Variants in CPVL observed in about 807,000 individuals in gnomAD.
CPVL encodes the protein carboxypeptidase vitellogenic like.
Under a neutral mutation model 63.7 loss-of-function variants are expected in CPVL, and 51 were observed. The ratio of observed to expected loss-of-function variants is 0.80; its 90% CI spans 0.64 to 1.01. CPVL has a LOEUF of 1.01. Ranked by LOEUF, CPVL falls within the 50% of genes least tolerant of loss-of-function variation. CPVL has a pLI of 0.00. For missense variants in CPVL, 530 were observed against 573.1 expected (o/e 0.92, Z 0.77); for synonymous variants, 195 against 206.0 (o/e 0.95, Z 0.46).
intron 1 of CPVL, among the ~76,000 whole-genome samples, chr7:29,138,602 C>A (rs1482661360): frequency 6.6e-6 from 1 of 151,892 alleles, no homozygotes; most frequent in Admixed American, 6.6e-5. Context: ...AGAGAGAGAC[C>A]CAGATCCCTG....
chr7:29,052,008 A>T (rs895189070), intron 11 of CPVL, among the ~76,000 whole-genome samples: 1 of 151,744 alleles, frequency 6.6e-6, no homozygotes, highest in Admixed American at 6.6e-5. Context: ...ATTTGCAGTG[A>T]CCTGGATGAG....
chr7:29,152,253 G>A (rs377407791), intron 5 of CPVL, among the ~76,000 whole-genome samples: 23 of 152,294 alleles, frequency 1.5e-4, no homozygotes, highest in East Asian at 5.8e-4. Context: ...CTTTTTATGC[G>A]TGGCAGCTCA....
chr7:29,099,972 T>A (rs1786924825), intron 3 of CPVL, among the ~76,000 whole-genome samples: 1 of 152,176 alleles, frequency 6.6e-6, no homozygotes, highest in African/African-American at 2.4e-5. Flanking sequence ...ATGTGCTGAA[T>A]AAAAATAACC....
chr7:29,013,969 A>G (rs369751838), intron 12 of CPVL, among the ~76,000 whole-genome samples: 13 of 152,210 alleles, frequency 8.5e-5, no homozygotes, highest in African/African-American at 3.1e-4. Context: ...TCTGGCCTGT[A>G]TCACAGTTTT....
intron 2 of CPVL, among the ~76,000 whole-genome samples, chr7:29,119,417 G>A (rs1031522475): frequency 6.6e-6 from 1 of 151,470 alleles, no homozygotes; most frequent in East Asian, 1.9e-4. Context: ...AACGCAGGAG[G>A]TGCAGAGCGC....
upstream of CPVL, chr7:29,195,278 G>T (rs1259128781): frequency 7.8e-6 from 3 of 386,672 alleles, no homozygotes; most frequent in Non-Finnish European, 1.4e-5. Context: ...GAAAGGAGCG[G>T]GCAGGCTCGC....
upstream of CPVL, chr7:29,146,675 C>G: frequency 2.6e-6 from 4 of 1,550,522 alleles, no homozygotes; most frequent in Non-Finnish European, 3.5e-6. Context: ...GCTTCCCATG[C>G]TGGAAGAAGC....
At chr7:29,181,284 A>G (rs570232712) in intron 5 of CPVL, 1 of 152,310 alleles carries the variant, frequency 6.6e-6, no homozygotes, top group East Asian at 1.9e-4. Flanking sequence ...AGCAGGCGTT[A>G]CTCACATTGT....
At chr7:29,109,495 C>A (rs1788042379) in intron 3 of CPVL, among the ~76,000 whole-genome samples, 3 of 152,162 alleles carry the variant, frequency 2.0e-5, no homozygotes, top group African/African-American at 4.8e-5. Flanking sequence ...GTGACCACTG[C>A]TTCTTCTTGT....
chr7:29,092,031 A>C (rs1387032523), intron 6 of CPVL, among the ~76,000 whole-genome samples: 1 of 152,164 alleles, frequency 6.6e-6, no homozygotes, highest in African/African-American at 2.4e-5. Flanking sequence ...GTCTCTAGTA[A>C]TAATTTGTAG....
At chr7:29,111,400 C>G (rs323186) in intron 3 of CPVL, among the ~76,000 whole-genome samples, 130,805 of 152,208 alleles carry the variant, frequency 0.86, 56,273 homozygotes, top group African/African-American at 0.91. Flanking sequence ...CCAAGCAAGA[C>G]ACTGGAGGGT....
intron 4 of CPVL, among the ~76,000 whole-genome samples, chr7:29,183,096 T>A (rs1042127230): frequency 1.3e-5 from 2 of 151,834 alleles, no homozygotes; most frequent in East Asian, 3.9e-4. Flanking sequence ...TTTTTTTTTT[T>A]TTTTTGAAAC....
intron 7 of CPVL, chr7:29,080,395 T>A (rs1784588554): frequency 6.6e-6 from 1 of 151,912 alleles, no homozygotes; most frequent in Admixed American, 6.6e-5. Context: ...CCATCTCTAC[T>A]AAAAATACAA....
chr7:29,034,727 A>G (rs1407931701), intron 11 of CPVL, among the ~76,000 whole-genome samples: 3 of 151,990 alleles, frequency 2.0e-5, no homozygotes, highest in African/African-American at 4.8e-5. Context: ...TTTGGTAGAG[A>G]CAGGGTATCA....
chr7:28,997,587 A>C (rs912328318), intron 12 of CPVL, among the ~76,000 whole-genome samples: 1 of 152,194 alleles, frequency 6.6e-6, no homozygotes, highest in African/African-American at 2.4e-5. Flanking sequence ...GAGCATTGAG[A>C]TGACTGAGCT....
chr7:29,130,722 A>G (rs1454881626), intron 1 of CPVL, among the ~76,000 whole-genome samples: 1 of 152,238 alleles, frequency 6.6e-6, no homozygotes, highest in African/African-American at 2.4e-5. Flanking sequence ...TCCATATACC[A>G]CTATATAAAC....
intron 11 of CPVL, among the ~76,000 whole-genome samples, chr7:29,057,533 G>A (rs11974877): frequency 0.01 from 1,558 of 152,040 alleles, 23 homozygotes; most frequent in African/African-American, 0.036. Context: ...TTTCTTTCAT[G>A]GATTGTTCCT....
intron 12 of CPVL, among the ~76,000 whole-genome samples, chr7:29,025,945 T>C (rs1787449645): frequency 6.6e-6 from 1 of 152,176 alleles, no homozygotes; most frequent in African/African-American, 2.4e-5. Context: ...ACGTCAGATT[T>C]AAACTGCACT....
At chr7:29,022,146 T>C (rs892723236) in intron 12 of CPVL, among the ~76,000 whole-genome samples, 3 of 152,112 alleles carry the variant, frequency 2.0e-5, no homozygotes, top group Admixed American at 6.5e-5. Flanking sequence ...TAACAGGGCC[T>C]GGGAACTGGC....
Sources: gnomAD v4.1 joint callset for allele counts (sites outside exome capture counted in the v4.1 genomes callset) on GRCh38, gnomAD v4.1.1 for gene constraint, MANE v1.5 for transcripts, NCBI Gene and HGNC (gene_info 2026-07-23, HGNC 2026-07-21) for gene names.